Variants in FHIT observed in about 807,000 individuals in gnomAD.
FHIT encodes bis(5'-adenosyl)-triphosphatase.
FHIT carries 19 observed loss-of-function variants against 17.9 expected under a neutral mutation model. The ratio of observed to expected loss-of-function variants is 1.06; its 90% CI spans 0.74 to 1.56. FHIT has a LOEUF of 1.56. Among genes scored for constraint, FHIT ranks in the 40% most tolerant of loss-of-function variants. The pLI, the probability that FHIT is intolerant of heterozygous loss-of-function variation, is 0.00. For synonymous variants in FHIT, 81 were observed against 69.7 expected, an observed-to-expected ratio of 1.16 and a Z score of -0.81; for missense variants, 248 against 189.2, an observed-to-expected ratio of 1.31 and a Z score of -1.82.
rs912932671 is a variant in FHIT at position 59,785,783 on chromosome 3, C to A, written c.349-33462G>T. On this transcript the variant is annotated intron_variant, in intron 8 of 9. Coordinates refer to ENST00000492590, the MANE Select transcript of FHIT (RefSeq NM_002012.4). ...TAAATTTGCAGCATGCTCTCATATGCCAGACGTCCTTCAGCCAGGCTAAGA... is the reference window on the plus strand; with the variant it reads ...TAAATTTGCAGCATGCTCTCATATGACAGACGTCCTTCAGCCAGGCTAAGA... Among the ~76,000 whole-genome samples, 6 of 152,152 alleles carry A rather than the reference C, an allele frequency of 3.9e-5. No individual in the cohort carries two copies. In the East Asian group the frequency reaches 1.2e-3, roughly 29 times the overall value.
At chr3:60,579,999 G>A (rs979518651) in intron 4 of FHIT, among the ~76,000 whole-genome samples, 7 of 152,118 alleles carry the variant, frequency 4.6e-5, no homozygotes, top group East Asian at 1.9e-4. Context: ...AATAGCAGAC[G>A]TGATGCTTAA....
chr3:60,557,939 T>A (rs1031456618), intron 4 of FHIT, among the ~76,000 whole-genome samples: 1 of 152,096 alleles, frequency 6.6e-6, no homozygotes. Context: ...CACCCTGGTT[T>A]CATTGCAAAA....
chr3:60,173,884 A>AATATATATAT (rs776742490), intron 5 of FHIT, among the ~76,000 whole-genome samples: 972 of 30,386 alleles, frequency 0.032, 70 homozygotes, highest in African/African-American at 0.063. Context: ...CCATGTTTCT[A>AATATATATAT]ATATATATAT....
At chr3:61,154,048 A>C (rs917781666) in intron 2 of FHIT, among the ~76,000 whole-genome samples, 20 of 152,182 alleles carry the variant, frequency 1.3e-4, no homozygotes, top group African/African-American at 4.8e-4. Flanking sequence ...AGAAATTTCA[A>C]CTGCTCTATT....
At chr3:59,925,717 G>A (rs1278185387) in intron 7 of FHIT, among the ~76,000 whole-genome samples, 2 of 152,108 alleles carry the variant, frequency 1.3e-5, no homozygotes, top group African/African-American at 4.8e-5. Context: ...CTGTACAGGT[G>A]GTTTTTTCCC....
intron 4 of FHIT, among the ~76,000 whole-genome samples, chr3:60,749,712 CCAGAAAACCAGAAAGTGAT>C (rs1402686284): frequency 6.6e-6 from 1 of 152,050 alleles, no homozygotes; most frequent in Non-Finnish European, 1.5e-5. Flanking sequence ...AAACGTGGAA[CCAGAAAACCAGAAAGTGAT>C]CAGTGCAGGA....
chr3:60,904,040 G>C (rs782347060), intron 3 of FHIT, among the ~76,000 whole-genome samples: 1 of 152,298 alleles, frequency 6.6e-6, no homozygotes, highest in Admixed American at 6.5e-5. Context: ...ACGAGAAAGA[G>C]TATCACTTGT....
At chr3:59,761,757 C>T (rs145121559) in intron 8 of FHIT, among the ~76,000 whole-genome samples, 33 of 152,036 alleles carry the variant, frequency 2.2e-4, no homozygotes, top group Non-Finnish European at 4.1e-4. Context: ...CGGGAGTGCA[C>T]CACCACACCT....
At chr3:60,263,109 T>C (rs535109394) in intron 5 of FHIT, among the ~76,000 whole-genome samples, 1 of 152,066 alleles carries the variant, frequency 6.6e-6, no homozygotes, top group African/African-American at 2.4e-5. Context: ...TGCTTATCAT[T>C]AGTCATTAGG....
At chr3:60,492,334 G>C (rs1206647266) in intron 5 of FHIT, among the ~76,000 whole-genome samples, 1 of 152,114 alleles carries the variant, frequency 6.6e-6, no homozygotes, top group Non-Finnish European at 1.5e-5. Flanking sequence ...TCTCACATTT[G>C]AGCATTAGAA....
At chr3:60,745,333 G>A (rs191356646) in intron 4 of FHIT, among the ~76,000 whole-genome samples, 2 of 152,300 alleles carry the variant, frequency 1.3e-5, no homozygotes, top group Admixed American at 6.5e-5. Context: ...AGGCCTTGCC[G>A]TGAGGCTGAG....
intron 5 of FHIT, among the ~76,000 whole-genome samples, chr3:60,219,057 C>T (rs915883705): frequency 6.6e-6 from 1 of 152,044 alleles, no homozygotes; most frequent in African/African-American, 2.4e-5. Flanking sequence ...TTAACCAAGG[C>T]TGAATCAAAT....
At chr3:60,029,480 A>T (rs1700891150) in intron 5 of FHIT, among the ~76,000 whole-genome samples, 1 of 152,190 alleles carries the variant, frequency 6.6e-6, no homozygotes, top group South Asian at 2.1e-4. Flanking sequence ...CTGTGACTTT[A>T]AAAAGACATA....
chr3:59,764,216 T>C (rs1000004594), intron 8 of FHIT, among the ~76,000 whole-genome samples: 7 of 152,188 alleles, frequency 4.6e-5, no homozygotes, highest in African/African-American at 1.7e-4. Flanking sequence ...GTGACTACCA[T>C]GGAGCAGCAA....
At chr3:61,207,456 T>C (rs1382817220) in intron 1 of FHIT, among the ~76,000 whole-genome samples, 1 of 152,234 alleles carries the variant, frequency 6.6e-6, no homozygotes, top group Admixed American at 6.5e-5. Context: ...TCCTGGACTT[T>C]TTTTGGTTGG....
chr3:61,180,078 G>A (rs1280111063), intron 2 of FHIT, among the ~76,000 whole-genome samples: 1 of 152,172 alleles, frequency 6.6e-6, no homozygotes, highest in Non-Finnish European at 1.5e-5. Context: ...ACACTGAGAA[G>A]TTTGACTTTA....
chr3:60,198,635 G>T (rs1448244301), intron 5 of FHIT, among the ~76,000 whole-genome samples: 1 of 152,130 alleles, frequency 6.6e-6, no homozygotes, highest in East Asian at 1.9e-4. Context: ...CCTTTGGTAT[G>T]CTCAAGTCCC....
At chr3:60,660,358 T>C (rs2040211047) in intron 4 of FHIT, among the ~76,000 whole-genome samples, 2 of 152,042 alleles carry the variant, frequency 1.3e-5, no homozygotes, top group African/African-American at 4.8e-5. Context: ...TCCCATAAAC[T>C]GTGTGCAGGC....
chr3:60,417,133 A>T (rs1032505657), intron 5 of FHIT, among the ~76,000 whole-genome samples: 1 of 152,076 alleles, frequency 6.6e-6, no homozygotes, highest in African/African-American at 2.4e-5. Context: ...CTATTAGATC[A>T]TCAATAGAGA....
Sources: allele counts gnomAD v4.1 joint callset (sites outside exome capture counted in the v4.1 genomes callset), GRCh38; gene constraint gnomAD v4.1.1; transcripts MANE v1.5; gene names NCBI Gene and HGNC (gene_info 2026-07-23, HGNC 2026-07-21).